The following ZBTB8A variants were observed in gnomAD, a reference collection of about 807,000 sequenced individuals.
The protein encoded by ZBTB8A is zinc finger and BTB domain containing 8A.
Under a neutral mutation model 37.8 loss-of-function variants are expected in ZBTB8A, and 19 were observed. The observed-to-expected ratio is 0.50, with a 90% CI of 0.35 to 0.74. The LOEUF (loss-of-function observed/expected upper bound fraction) is 0.74. ZBTB8A is among the 30% of genes least tolerant of loss of function. The probability of loss-of-function intolerance (pLI) is 0.01; values close to 1 mark genes in which losing one functional copy is unlikely to be tolerated. For missense variants in ZBTB8A, 394 were observed against 537.8 expected (o/e 0.73, Z 2.65); for synonymous variants, 181 against 185.2 (o/e 0.98, Z 0.19).
chr1:32,594,676 G>A (rs762460635), intron 3 of ZBTB8A, among the ~76,000 whole-genome samples: 12 of 151,492 alleles, frequency 7.9e-5, no homozygotes, highest in African/African-American at 1.9e-4. Context: ...CAGAAGAATC[G>A]CTTCAGGAGA....
chr1:32,556,241 T>G (rs1410605472), intron 2 of ZBTB8A, among the ~76,000 whole-genome samples: 1 of 152,072 alleles, frequency 6.6e-6, no homozygotes, highest in African/African-American at 2.4e-5. Context: ...GGCTAATTGT[T>G]ATATTTTTAG....
At chr1:32,587,055 C>G (rs1186756167) in intron 2 of ZBTB8A, among the ~76,000 whole-genome samples, 1 of 151,840 alleles carries the variant, frequency 6.6e-6, no homozygotes, top group Admixed American at 6.6e-5. Flanking sequence ...GCCTGGCCAA[C>G]ATGGCAAAAT....
chr1:32,600,436 C>A lies in ZBTB8A; in HGVS notation c.*17C>A. On this transcript the variant is annotated 3_prime_UTR_variant, in exon 5 of 5. Coordinates refer to ENST00000373510, the MANE Select transcript of ZBTB8A (RefSeq NM_001040441.3). ...ATTAGGTAGCTGTAATGTGAACCAA[C>A]AGAGCTGGCATGTCTGCAATTTACA... The A allele has an allele frequency of 3.2e-6, 5 of 1,567,370 alleles. No individual in the cohort carries two copies. Among genetic ancestry groups the A allele is most frequent in the Non-Finnish European group, 4.3e-6 (5 of 1,151,628 alleles).
Position 32,593,333 on chromosome 1 carries a change from T to C in ZBTB8A, c.402T>C (p.Ser134=), listed in dbSNP as rs1211909986. ...ISEKEKDRYF[S]LSDKDANSNG... ...AGAAAGAAAAAGATCGCTATTTCAGTCTCTCAGATAAAGATGCCAATTCTA... is the reference window on the plus strand; with the variant it reads ...AGAAAGAAAAAGATCGCTATTTCAGCCTCTCAGATAAAGATGCCAATTCTA... The change falls in exon 3 of 5, where the codon AGT becomes AGC. Residue 134 remains serine (S), a synonymous_variant. Coordinates refer to ENST00000373510, the MANE Select transcript of ZBTB8A (RefSeq NM_001040441.3). The C allele has an allele frequency of 6.2e-7, 1 of 1,614,168 alleles. No individual in the cohort carries two copies. Among genetic ancestry groups the C allele is most frequent in the Non-Finnish European group, 8.5e-7 (1 of 1,180,032 alleles).
intron 1 of ZBTB8A, among the ~76,000 whole-genome samples, chr1:32,551,606 G>A (rs1337335679): frequency 6.6e-6 from 1 of 152,134 alleles, no homozygotes; most frequent in East Asian, 1.9e-4. Context: ...CCGCTACTCG[G>A]CAGGCTGAGG....
intron 2 of ZBTB8A, among the ~76,000 whole-genome samples, chr1:32,573,070 CTTTT>C (rs765833626): frequency 8.6e-6 from 1 of 115,748 alleles, no homozygotes. Context: ...TCTCTAGATT[CTTTT>C]TTTTTTTTTT....
rs759397918 is a variant in ZBTB8A at position 32,595,049 on chromosome 1, G to A, written c.824-5G>A. Reference sequence around the variant, plus strand: ...CAGTGATTTAATCAAAGCGTCTCTTGACAGATGATCTGCCTCGGATGCGAT... The same window carrying A: ...CAGTGATTTAATCAAAGCGTCTCTTAACAGATGATCTGCCTCGGATGCGAT... On this transcript the variant is annotated splice_polypyrimidine_tract_variant and splice_region_variant and intron_variant, in intron 3 of 4. Transcript: ENST00000373510. 2 of 1,612,000 alleles carry A rather than the reference G, an allele frequency of 1.2e-6. No homozygotes were observed. The highest frequency in any genetic ancestry group is 1.1e-5 in the South Asian group (1 of 90,774).
intron 2 of ZBTB8A, among the ~76,000 whole-genome samples, chr1:32,585,493 A>G (rs1570360206): frequency 1.3e-5 from 2 of 152,142 alleles, no homozygotes; most frequent in East Asian, 3.8e-4. Context: ...AATAAATCTA[A>G]CAAAAATATG....
At chr1:32,553,307 G>GTTAT (rs1644172161) in intron 1 of ZBTB8A, among the ~76,000 whole-genome samples, 152 bp from the exon 2 acceptor site, 13 of 152,210 alleles carry the variant, frequency 8.5e-5, no homozygotes, top group Middle Eastern at 6.8e-3. Flanking sequence ...TTATCTGCCC[G>GTTAT]CGTTGGCCTC....
At chr1:32,566,685 A>G (rs1041869113) in intron 2 of ZBTB8A, among the ~76,000 whole-genome samples, 2 of 152,216 alleles carry the variant, frequency 1.3e-5, no homozygotes, top group Non-Finnish European at 2.9e-5. Context: ...GTGATTAACT[A>G]AAGCTCCCCA....
intron 1 of ZBTB8A, among the ~76,000 whole-genome samples, chr1:32,540,001 T>C (rs1404734669): frequency 6.6e-6 from 1 of 150,666 alleles, no homozygotes; most frequent in African/African-American, 2.4e-5. Flanking sequence ...GGCCGGAGTC[T>C]CTGCGGGCGC....
chr1:32,562,147 G>A (rs899032076), intron 2 of ZBTB8A, among the ~76,000 whole-genome samples: 1 of 150,386 alleles, frequency 6.6e-6, no homozygotes, highest in African/African-American at 2.4e-5. Flanking sequence ...GTAGAAACGG[G>A]GTCTCACTAT....
At chr1:32,539,601 G>C (rs939327964) in intron 1 of ZBTB8A, 29 bp downstream of exon 1, 2 of 146,676 alleles carry the variant, frequency 1.4e-5, no homozygotes, top group African/African-American at 4.9e-5. Context: ...CGCCGGCGGA[G>C]GGCGGGCGGG....
chr1:32,573,199 T>C, intron 2 of ZBTB8A, among the ~76,000 whole-genome samples: 1 of 150,354 alleles, frequency 6.7e-6, no homozygotes, highest in Non-Finnish European at 1.5e-5. Flanking sequence ...GCCTCCTGAG[T>C]AGCTGGGATT....
intron 2 of ZBTB8A, among the ~76,000 whole-genome samples, chr1:32,569,091 G>A (rs555483079): frequency 2.0e-5 from 3 of 152,280 alleles, no homozygotes; most frequent in Non-Finnish European, 4.4e-5. Context: ...ATACATGAGA[G>A]AACCAACTTC....
chr1:32,569,594 G>A (rs749053186), intron 2 of ZBTB8A, among the ~76,000 whole-genome samples: 14 of 151,296 alleles, frequency 9.3e-5, no homozygotes, highest in Non-Finnish European at 1.6e-4. Context: ...TTGTTTCACC[G>A]TGTTAGCCAG....
At chr1:32,552,057 T>C (rs7534760) in intron 1 of ZBTB8A, among the ~76,000 whole-genome samples, 17,272 of 152,214 alleles carry the variant, frequency 0.11, 1,075 homozygotes, top group African/African-American at 0.18. Flanking sequence ...GTTTATTTTC[T>C]TGTCAAAGTT....
Position 32,567,114 on chromosome 1 carries a change from G to A in ZBTB8A, c.-2+13574G>A, listed in dbSNP as rs577338723. On this transcript the variant is annotated intron_variant, in intron 2 of 4. Coordinates refer to ENST00000373510, the MANE Select transcript of ZBTB8A (RefSeq NM_001040441.3). ...GCTCACAGTTCCACAGGCTGTAAAG[G>A]AAGCATGACTGGGCAGGCCTCAGGA... Among the ~76,000 whole-genome samples, 38 of 152,270 alleles carry A rather than the reference G, an allele frequency of 2.5e-4. 1 individual carries two copies. The highest frequency in any genetic ancestry group is 8.9e-4 in the African/African-American group (37 of 41,548).
In ZBTB8A at chr1:32,567,814, A is replaced by ACAAAC. The variant is rs796332471; in HGVS notation, c.-2+14274_-2+14275insCAAAC. Reference sequence around the variant, plus strand: ...CTCAAAAAAAAAAAAAAAAAAAAAAAAAAAAAAAACAAAAACAAAACAAAA... The same window carrying ACAAAC: ...CTCAAAAAAAAAAAAAAAAAAAAAAACAAACAAAAAAAAACAAAAACAAAACAAAA... On this transcript the variant is annotated intron_variant, in intron 2 of 4. Coordinates refer to ENST00000373510, the MANE Select transcript of ZBTB8A (RefSeq NM_001040441.3). 1.6e-4 allele frequency among the ~76,000 whole-genome samples: 5 copies of ACAAAC among 30,478 alleles called. 1 individual carries two copies. The highest frequency in any genetic ancestry group is 2.1e-3 in the East Asian group (2 of 948). 20.0% of individuals were successfully genotyped at this position (30,478 alleles called of 152,430 possible). A position where few individuals can be genotyped will look rare whatever the true frequency, so the allele number is the denominator to read the frequency against.
Sources: gnomAD v4.1 joint callset for allele counts (sites outside exome capture counted in the v4.1 genomes callset) on GRCh38, gnomAD v4.1.1 for gene constraint, MANE v1.5 for transcripts, NCBI Gene and HGNC (gene_info 2026-07-23, HGNC 2026-07-21) for gene names.